The following GRK5 variants were observed in gnomAD, a reference collection of about 807,000 sequenced individuals.
GRK5 encodes G protein-coupled receptor kinase 5.
A neutral mutation model predicts 78.4 loss-of-function variants in GRK5; 40 were observed. The ratio of observed to expected loss-of-function variants is 0.51; its 90% CI spans 0.40 to 0.66. The LOEUF (loss-of-function observed/expected upper bound fraction) is 0.66. GRK5 is among the 30% of genes least tolerant of loss of function. The pLI, the probability that GRK5 is intolerant of heterozygous loss-of-function variation, is 0.00. For synonymous variants in GRK5, 289 were observed against 296.8 expected, an observed-to-expected ratio of 0.97 and a Z score of 0.27; for missense variants, 598 against 759.9, an observed-to-expected ratio of 0.79 and a Z score of 2.50.
intron 3 of GRK5, among the ~76,000 whole-genome samples, chr10:119,394,183 T>G (rs1344217475): frequency 1.4e-5 from 2 of 139,512 alleles, no homozygotes; most frequent in African/African-American, 5.4e-5. Context: ...TGTGTGTGGG[T>G]GTCTGTGTAT....
At chr10:119,392,770 C>G (rs1319776051) in intron 3 of GRK5, among the ~76,000 whole-genome samples, 1 of 152,164 alleles carries the variant, frequency 6.6e-6, no homozygotes. Flanking sequence ...AGGCCCATCT[C>G]TCTCTCTCTG....
chr10:119,248,921 T>G, intron 1 of GRK5, among the ~76,000 whole-genome samples: 1 of 152,028 alleles, frequency 6.6e-6, no homozygotes, highest in South Asian at 2.1e-4. Flanking sequence ...TTTGCCGACC[T>G]CTGACCTAGG....
chr10:119,310,061 G>A (rs11817583), intron 1 of GRK5, among the ~76,000 whole-genome samples: 37,069 of 152,060 alleles, frequency 0.24, 5,489 homozygotes, highest in East Asian at 0.66. Flanking sequence ...GTGTGTACAC[G>A]GTCATGTCCA....
intron 1 of GRK5, among the ~76,000 whole-genome samples, chr10:119,316,971 C>T (rs749095150): frequency 7.2e-5 from 11 of 152,112 alleles, no homozygotes; most frequent in East Asian, 3.9e-4. Context: ...ATCTTGTTAG[C>T]GTAAACTCAG....
chr10:119,404,393 T>C (rs761713002), intron 4 of GRK5, among the ~76,000 whole-genome samples: 2 of 152,264 alleles, frequency 1.3e-5, no homozygotes, highest in Non-Finnish European at 2.9e-5. Context: ...ATAAGAGTTC[T>C]TCATATGTTC....
chr10:119,306,860 G>T (rs1272007985), intron 1 of GRK5, among the ~76,000 whole-genome samples: 6 of 152,106 alleles, frequency 3.9e-5, no homozygotes, highest in Non-Finnish European at 8.8e-5. Flanking sequence ...GGGGAGACAT[G>T]GGGGATGCTT....
intron 4 of GRK5, among the ~76,000 whole-genome samples, chr10:119,420,212 C>T (rs1852540623): frequency 6.6e-6 from 1 of 152,114 alleles, no homozygotes; most frequent in South Asian, 2.1e-4. Flanking sequence ...ATGTGTTTAG[C>T]CCAGGACCTA....
intron 4 of GRK5, among the ~76,000 whole-genome samples, chr10:119,418,053 G>A (rs1741170015): frequency 6.6e-6 from 1 of 152,156 alleles, no homozygotes; most frequent in Non-Finnish European, 1.5e-5. Context: ...CGGGGGTCCC[G>A]AGGGGAGTTC....
rs2133915088 is a variant in GRK5 at position 119,448,035 on chromosome 10, T to G, written c.1267-88T>G. The G allele has an allele frequency of 4.9e-6, 7 of 1,428,568 alleles. No homozygotes were observed. The South Asian group carries it at 1.1e-4, about 23-fold the overall frequency. The allele number at this position is 1,428,568 out of a possible 1,614,324, so 88.5% of individuals were successfully genotyped here. ...GGTGGGGCAGCGTGTCTTGGGTTCC[T>G]AGGCATGGTGCAGACACTGTGGAGG... On this transcript the variant is annotated intron_variant, in intron 12 of 15. Transcript: ENST00000392870.
intron 1 of GRK5, among the ~76,000 whole-genome samples, chr10:119,303,427 A>G (rs991103189): frequency 2.0e-5 from 3 of 151,998 alleles, no homozygotes; most frequent in Admixed American, 6.5e-5. Flanking sequence ...CAGAAAAGGG[A>G]TGGTCAGGCA....
At chr10:119,439,911 G>C in intron 10 of GRK5, 143 bp downstream of exon 10, 1 of 718,850 alleles carries the variant, frequency 1.4e-6, no homozygotes, top group East Asian at 2.5e-5. Flanking sequence ...CTGGGGAAGG[G>C]GGAAAGCTGT....
chr10:119,425,806 G>A lies in GRK5; in HGVS notation c.533+721G>A, dbSNP rs1163581140. 2.6e-5 allele frequency among the ~76,000 whole-genome samples: 4 copies of A among 152,236 alleles called. No individual in the cohort carries two copies. The East Asian group carries it at 5.8e-4, about 22-fold the overall frequency. ...CTGTCTAATTCTCTTCAAAGTACTC[G>A]CCCATGCGTGGCTGTGACTTGGGCA... On this transcript the variant is annotated intron_variant, in intron 6 of 15. Coordinates refer to ENST00000392870, the MANE Select transcript of GRK5 (RefSeq NM_005308.3).
At chr10:119,440,632 C>T (rs371873397) in intron 10 of GRK5, among the ~76,000 whole-genome samples, 1 of 151,668 alleles carries the variant, frequency 6.6e-6, no homozygotes, top group East Asian at 1.9e-4. Flanking sequence ...CTCAGTGCAA[C>T]CTCTACCTCC....
At chr10:119,394,736 GGTGT>G (rs1336844831) in intron 3 of GRK5, among the ~76,000 whole-genome samples, 4 of 18,224 alleles carry the variant, frequency 2.2e-4, no homozygotes, top group Admixed American at 4.9e-4. Flanking sequence ...TGTATGTTTG[GGTGT>G]GTGTGTGTCT....
intron 4 of GRK5, among the ~76,000 whole-genome samples, chr10:119,404,649 T>C (rs1451152455): frequency 6.6e-6 from 1 of 152,228 alleles, no homozygotes; most frequent in Non-Finnish European, 1.5e-5. Context: ...GAAATCCTAA[T>C]GTACATTTAG....
chr10:119,372,434 C>G (rs1470727285), intron 2 of GRK5, among the ~76,000 whole-genome samples: 1 of 152,220 alleles, frequency 6.6e-6, no homozygotes, highest in African/African-American at 2.4e-5. Flanking sequence ...CACTTTACTG[C>G]AAAGCCTTTG....
chr10:119,262,329 G>GTT (rs149424799), intron 1 of GRK5, among the ~76,000 whole-genome samples: 2 of 67,530 alleles, frequency 3.0e-5, no homozygotes, highest in African/African-American at 1.1e-4. Flanking sequence ...TTAACTTTGG[G>GTT]TTTTTTTTTT....
chr10:119,326,640 G>A (rs1589746455), intron 2 of GRK5, 29 bp downstream of exon 2: 2 of 1,534,116 alleles, frequency 1.3e-6, no homozygotes, highest in Non-Finnish European at 9.0e-7. Context: ...GGGCTGTGCG[G>A]GGAGTGAGTA....
chr10:119,416,667 C>T (rs1490022720), intron 4 of GRK5, among the ~76,000 whole-genome samples: 12 of 152,044 alleles, frequency 7.9e-5, no homozygotes, highest in Non-Finnish European at 1.6e-4. Flanking sequence ...GATCTCGGCT[C>T]ACTGCAACCT....
Sources: gnomAD v4.1 joint callset for allele counts (sites outside exome capture counted in the v4.1 genomes callset) on GRCh38, gnomAD v4.1.1 for gene constraint, MANE v1.5 for transcripts, NCBI Gene and HGNC (gene_info 2026-07-23, HGNC 2026-07-21) for gene names.